Variants in TNS1 observed in about 807,000 individuals in gnomAD.
TNS1 encodes the protein tensin 1.
In TNS1, 62 loss-of-function variants were observed where a neutral mutation model predicts 168.6. The ratio of observed to expected loss-of-function variants is 0.37; its 90% CI spans 0.30 to 0.45. The LOEUF is 0.45. Ranked by LOEUF, TNS1 falls within the 20% of genes least tolerant of loss-of-function variation. The pLI is 1.00. For missense variants in TNS1, 2,240 were observed against 2,339.4 expected, an observed-to-expected ratio of 0.96 and a Z score of 0.88; for synonymous variants, 934 against 933.2, an observed-to-expected ratio of 1.00 and a Z score of -0.02.
intron 1 of TNS1, among the ~76,000 whole-genome samples, chr2:218,009,095 G>C (rs372781519): frequency 5.3e-5 from 8 of 152,280 alleles, no homozygotes; most frequent in African/African-American, 1.7e-4. Flanking sequence ...AACCCAAGTG[G>C]CTGGCTCCAT....
intron 3 of TNS1, among the ~76,000 whole-genome samples, chr2:217,974,066 A>G (rs765642977): frequency 7.2e-5 from 11 of 152,256 alleles, no homozygotes; most frequent in Non-Finnish European, 1.6e-4. Context: ...ATTTCGATGA[A>G]CATTCAAGAA....
Position 217,886,563 on chromosome 2 carries a change from T to C in TNS1, c.950A>G (p.His317Arg). The C allele has an allele frequency of 6.2e-7, 1 of 1,604,636 alleles. No homozygotes were observed. The change falls in exon 13 of 33, where the codon CAC becomes CGC. Residue 317 changes from histidine (H) to arginine (R), a missense_variant. Physicochemically the swap from His to Arg is conservative, Grantham distance 29. Coordinates refer to ENST00000682258, the MANE Select transcript of TNS1 (RefSeq NM_001387777.1). ...KPLFLHHVIM[H>R]GIPNFESKGG... ...TTTAGACTCAAAGTTGGGGATGCCG[T>C]GCATGATCACGTGGTGCAGAAACAA...
At chr2:217,938,530 G>A (rs569160651) in intron 3 of TNS1, among the ~76,000 whole-genome samples, 1 of 152,342 alleles carries the variant, frequency 6.6e-6, no homozygotes, top group Non-Finnish European at 1.5e-5. Flanking sequence ...GTTAGATTTT[G>A]GGGGGACCTA....
intron 2 of TNS1, among the ~76,000 whole-genome samples, chr2:217,988,737 T>C (rs1312228330): frequency 6.6e-6 from 1 of 152,160 alleles, no homozygotes; most frequent in African/African-American, 2.4e-5. Context: ...GCAAAAGTCC[T>C]GGTTAGCCAC....
intron 22 of TNS1, chr2:217,830,128 T>C (rs968565626): frequency 2.0e-6 from 1 of 494,426 alleles, no homozygotes; most frequent in Non-Finnish European, 2.6e-6. Flanking sequence ...ACCCCAAGGC[T>C]CCGAGGCATA....
chr2:218,020,528 T>C (rs2106008691), intron 1 of TNS1, among the ~76,000 whole-genome samples: 1 of 148,542 alleles, frequency 6.7e-6, no homozygotes, highest in East Asian at 2.0e-4. Context: ...AGCAGCCAGG[T>C]TCGCTGACAG....
chr2:217,966,710 G>A (rs186705254), intron 3 of TNS1, among the ~76,000 whole-genome samples: 111 of 152,300 alleles, frequency 7.3e-4, no homozygotes, highest in South Asian at 2.9e-3. Context: ...CAGCACAAGG[G>A]AACACTGACC....
chr2:217,830,102 GC>G, intron 22 of TNS1: 1 of 639,252 alleles, frequency 1.6e-6, no homozygotes, highest in Non-Finnish European at 1.9e-6. Flanking sequence ...GAAGGCCGAG[GC>G]CCACCCTGCA....
chr2:218,005,731 A>G (rs922795259), upstream of TNS1, among the ~76,000 whole-genome samples: 1 of 152,208 alleles, frequency 6.6e-6, no homozygotes, highest in African/African-American at 2.4e-5. Context: ...CAATTAGTCA[A>G]TGGATCCTAA....
intron 4 of TNS1, among the ~76,000 whole-genome samples, chr2:217,916,935 A>G (rs2125839707): frequency 6.6e-6 from 1 of 152,354 alleles, no homozygotes; most frequent in South Asian, 2.1e-4. Flanking sequence ...GCCGGAGAGC[A>G]GCCTACCGAG....
chr2:217,872,455 A>T (rs1949852578), intron 18 of TNS1, among the ~76,000 whole-genome samples: 1 of 152,382 alleles, frequency 6.6e-6, no homozygotes, highest in Non-Finnish European at 1.5e-5. Flanking sequence ...ACATGAAAAG[A>T]TGTTCAACAT....
intron 18 of TNS1, among the ~76,000 whole-genome samples, chr2:217,875,948 A>G (rs957587339): frequency 5.3e-5 from 8 of 152,166 alleles, no homozygotes; most frequent in Admixed American, 5.2e-4. Flanking sequence ...AGTGGGGTGG[A>G]CACCAGCCCC....
chr2:217,895,268 G>A (rs577221842), intron 8 of TNS1, among the ~76,000 whole-genome samples: 1 of 152,314 alleles, frequency 6.6e-6, no homozygotes, highest in Non-Finnish European at 1.5e-5. Context: ...TGGACCTCCT[G>A]TGCCTGCTCT....
intron 8 of TNS1, among the ~76,000 whole-genome samples, chr2:217,896,724 T>C (rs1029256065): frequency 6.6e-6 from 1 of 152,200 alleles, no homozygotes; most frequent in Non-Finnish European, 1.5e-5. Context: ...CACCCCGCCA[T>C]GGATAGTGGA....
chr2:217,851,123 A>AAC lies in TNS1; in HGVS notation c.1430-2038_1430-2037dup, dbSNP rs533619206. Among the ~76,000 whole-genome samples the AAC allele has an allele frequency of 6.1e-3, 895 of 145,948 alleles. 6 individuals carry two copies. The highest frequency in any genetic ancestry group is 0.02 in the African/African-American group (791 of 39,978). ...TATGCTACACCTCCCTCATATCACA[A>AAC]ACACACACACACACACATACACACA... On this transcript the variant is annotated intron_variant, in intron 18 of 32. Transcript: ENST00000682258.
At position 217,907,067 on chromosome 2, in the gene TNS1, C is replaced by T. The variant is rs532559330; in HGVS notation, c.270+143G>A. The T allele has an allele frequency of 2.2e-4, 133 of 596,058 alleles. 1 individual carries two copies. The highest frequency in any genetic ancestry group is 2.2e-3 in the African/African-American group (121 of 55,096). The allele number at this position is 596,058 out of a possible 1,614,324, so 36.9% of individuals were successfully genotyped here. Reference sequence around the variant, plus strand: ...AGAGTCAGCAGCCGCCCCACTACTTCCCTGCAAGTTCCCCAAATCTACTCC... The same window carrying T: ...AGAGTCAGCAGCCGCCCCACTACTTTCCTGCAAGTTCCCCAAATCTACTCC... On this transcript the variant is annotated intron_variant, in intron 5 of 32. Transcript: ENST00000682258.
At chr2:217,939,543 G>GTCT (rs1358352441) in intron 3 of TNS1, among the ~76,000 whole-genome samples, 4 of 152,254 alleles carry the variant, frequency 2.6e-5, no homozygotes, top group African/African-American at 9.6e-5. Context: ...TTCTCTGCAG[G>GTCT]AGAAGATGAA....
chr2:217,844,032 C>T (rs901535259), intron 19 of TNS1, among the ~76,000 whole-genome samples: 2 of 152,126 alleles, frequency 1.3e-5, no homozygotes, highest in Non-Finnish European at 2.9e-5. Flanking sequence ...TTCCACCCAA[C>T]GTCCTCCTCC....
chr2:217,881,065 G>A, intron 17 of TNS1, 51 bp from the exon 18 acceptor site: 3 of 1,308,184 alleles, frequency 2.3e-6, no homozygotes, highest in Non-Finnish European at 3.3e-6. Flanking sequence ...TGCAGAGAGG[G>A]AAAAGAGATC....
Sources: gnomAD v4.1 joint callset for allele counts (sites outside exome capture counted in the v4.1 genomes callset) on GRCh38, gnomAD v4.1.1 for gene constraint, MANE v1.5 for transcripts, NCBI Gene and HGNC (gene_info 2026-07-23, HGNC 2026-07-21) for gene names.